LMAN1L: variants seen among roughly 807,000 people sequenced by gnomAD.
LMAN1L encodes the protein protein ERGIC-53-like.
A neutral mutation model predicts 58.3 loss-of-function variants in LMAN1L; 60 were observed. The observed-to-expected ratio is 1.03, with a 90% CI of 0.84 to 1.27. LMAN1L has a LOEUF of 1.27. Ranked by LOEUF, LMAN1L falls within the 50% of genes most tolerant of loss-of-function variation. The pLI is 0.00. For missense variants in LMAN1L, 629 were observed against 674.0 expected (o/e 0.93, Z 0.74); for synonymous variants, 280 against 271.6 (o/e 1.03, Z -0.31).
At position 74,824,241 on chromosome 15, in the gene LMAN1L, C is replaced by T. The variant is rs767201485; in HGVS notation, c.1324-110C>T. The T allele has an allele frequency of 1.2e-4, 126 of 1,034,678 alleles. 2 individuals are homozygous for T. Among genetic ancestry groups the T allele is most frequent in the South Asian group, 3.5e-4 (23 of 66,108 alleles). The allele number at this position is 1,034,678 out of a possible 1,614,324, so 64.1% of individuals were successfully genotyped here. ...CAAGTTCCCTGGATGAGAGCCAGGA[C>T]GCCCCAAGCCTGGGGAAAGGAAACG... On this transcript the variant is annotated intron_variant, in intron 12 of 13. Coordinates refer to ENST00000309664, the MANE Select transcript of LMAN1L (RefSeq NM_021819.3).
rs2063902920 is a variant in LMAN1L at position 74,818,620 on chromosome 15, G to A, written c.498-98G>A. ...GAGGTGGGAGGATCACTTGAGCCCA[G>A]CAGGCAGAAGTTGCAATGAGCCACA... On this transcript the variant is annotated intron_variant, in intron 4 of 13. Coordinates refer to ENST00000309664, the MANE Select transcript of LMAN1L (RefSeq NM_021819.3). 2.0e-5 allele frequency: 17 copies of A among 860,822 alleles called. 1 individual carries two copies. In the South Asian group the frequency reaches 2.4e-4, roughly 12 times the overall value. 53.3% of individuals were successfully genotyped at this position (860,822 alleles called of 1,614,324 possible).
At chr15:74,820,380 G>A (rs1489493142) in intron 7 of LMAN1L, 2 of 622,776 alleles carry the variant, frequency 3.2e-6, no homozygotes, top group Non-Finnish European at 5.6e-6. Flanking sequence ...GTCCCAACCA[G>A]CCAGGGGGTC....
intron 7 of LMAN1L, chr15:74,820,430 C>T (rs2063911105): frequency 4.3e-6 from 3 of 702,830 alleles, no homozygotes; most frequent in Admixed American, 2.5e-5. Flanking sequence ...AAAGGAGCCT[C>T]GGACCAGCAC....
Position 74,818,610 on chromosome 15 carries a change from C to G in LMAN1L, c.498-108C>G, listed in dbSNP as rs1368541801. 6 of 802,470 alleles carry G rather than the reference C, an allele frequency of 7.5e-6. No individual in the cohort carries two copies. In the Admixed American group the frequency reaches 1.3e-4, roughly 17 times the overall value. 49.7% of individuals were successfully genotyped at this position (802,470 alleles called of 1,614,324 possible). On this transcript the variant is annotated intron_variant, in intron 4 of 13. Coordinates refer to ENST00000309664, the MANE Select transcript of LMAN1L (RefSeq NM_021819.3). ...TTGGGAGGCTGAGGTGGGAGGATCA[C>G]TTGAGCCCAGCAGGCAGAAGTTGCA...
chr15:74,823,849 A>G (rs1484766581), intron 12 of LMAN1L, 167 bp downstream of exon 12: 1 of 683,396 alleles, frequency 1.5e-6, no homozygotes, highest in Non-Finnish European at 2.4e-6. Flanking sequence ...GTGTCCGTGC[A>G]TACGTGCCAC....
Position 74,823,504 on chromosome 15 carries a change from G to C in LMAN1L, c.1200-55G>C, listed in dbSNP as rs1474851559. 17 of 1,598,684 alleles carry C rather than the reference G, an allele frequency of 1.1e-5. No homozygotes were observed. In the Admixed American group the frequency reaches 2.5e-4, roughly 24 times the overall value. ...GAGATGGGAAATGATTAGGCCATCTGGGTGGAAGCAGAAGAGGTAATGAGT... is the reference window on the plus strand; with the variant it reads ...GAGATGGGAAATGATTAGGCCATCTCGGTGGAAGCAGAAGAGGTAATGAGT... On this transcript the variant is annotated intron_variant, in intron 11 of 13. Coordinates refer to ENST00000309664, the MANE Select transcript of LMAN1L (RefSeq NM_021819.3).
At position 74,819,177 on chromosome 15, in the gene LMAN1L, C is replaced by T. The variant is rs1342260511; in HGVS notation, c.623C>T (p.Pro208Leu). ...LRMSLNSGLT[P>L]SDPGEFCVDV... is the part of the protein sequence containing the mutation. The stretch of plus-strand genomic sequence containing the variant: ...ATGTCCTTGAACAGTGGCCTCACTC[C>T]CAGTGATCCAGGTGAGTTCTGTGTG... Residue 208 changes from proline to leucine, a missense_variant, in exon 6 of 14, where the codon CCC becomes CTC. Pro to Leu is a moderately conservative substitution (Grantham distance 98). Around this residue, in one of 3 missense-constraint regions of LMAN1L, gnomAD observed 573 missense variants for 597.3 expected, o/e 0.96. Transcript: ENST00000309664. The T allele has an allele frequency of 2.5e-6, 4 of 1,613,652 alleles. No individual in the cohort carries two copies. The highest frequency in any genetic ancestry group is 3.3e-5 in the Admixed American group (2 of 59,940).
chr15:74,819,680 T>C (rs1567224504), intron 6 of LMAN1L: 3 of 463,632 alleles, frequency 6.5e-6, no homozygotes, highest in Non-Finnish European at 7.8e-6. Flanking sequence ...GAGAGTGACA[T>C]GGTCAGAGCT....
chr15:74,820,168 C>A, intron 7 of LMAN1L, 69 bp downstream of exon 7: 2 of 1,341,278 alleles, frequency 1.5e-6, no homozygotes, highest in South Asian at 1.2e-5. Context: ...GTCATGGTGC[C>A]CTCAGACCTG....
chr15:74,818,736 G>C lies in LMAN1L; in HGVS notation c.516G>C (p.Gly172=). ...SEQPGDGASQ[G]LGSCHWDFRN... ...CCCACAGGGATGGAGCTAGCCAAGG[G>C]CTGGGCTCCTGTCATTGGGACTTCC... Residue 172 remains glycine (G), a synonymous_variant, in exon 5 of 14, where the codon GGG becomes GGC. Transcript: ENST00000309664. 6.2e-7 allele frequency: 1 copy of C among 1,609,948 alleles called. No homozygotes were observed. The highest frequency in any genetic ancestry group is 8.5e-7 in the Non-Finnish European group (1 of 1,178,500).
At position 74,819,259 on chromosome 15, in the gene LMAN1L, C is replaced by G. The variant is rs759513043; in HGVS notation, c.705C>G (p.Thr235=). 6.2e-7 allele frequency: 1 copy of G among 1,614,116 alleles called. No homozygotes were observed. Among genetic ancestry groups the G allele is most frequent in the Non-Finnish European group, 8.5e-7 (1 of 1,179,984 alleles). Residue 235 remains threonine (T), a synonymous_variant, in exon 6 of 14, where the codon ACC becomes ACG. Transcript: ENST00000309664. ...PGGFFGVSAA[T]GTLADDHDVL... ...GTTTCTTTGGGGTCTCAGCAGCCAC[C>G]GGCACCCTGGCAGGTGAGGATCCCA...
At chr15:74,821,521 T>G (rs1411912819) in intron 9 of LMAN1L, among the ~76,000 whole-genome samples, 1 of 152,236 alleles carries the variant, frequency 6.6e-6, no homozygotes, top group Non-Finnish European at 1.5e-5. Context: ...TAGCTTCACA[T>G]GCGATTTGCA....
chr15:74,813,245 C>T (rs1205072301), intron 1 of LMAN1L: 3 of 661,350 alleles, frequency 4.5e-6, no homozygotes, highest in African/African-American at 3.5e-5. Flanking sequence ...TCTCCTCTGC[C>T]TCTCTGCTTC....
intron 4 of LMAN1L, 38 bp from the exon 5 acceptor site, chr15:74,818,680 C>A (rs1596378807): frequency 6.6e-7 from 1 of 1,515,176 alleles, no homozygotes; most frequent in Non-Finnish European, 9.0e-7. Context: ...GGCAGCGACT[C>A]TTTCTCAAAA....
At chr15:74,818,194 C>A (rs1408151888) in intron 4 of LMAN1L, among the ~76,000 whole-genome samples, 2 of 152,128 alleles carry the variant, frequency 1.3e-5, no homozygotes, top group African/African-American at 2.4e-5. Flanking sequence ...CCCAACACTC[C>A]GTCAGGCAGG....
intron 5 of LMAN1L, 82 bp from the exon 6 acceptor site, chr15:74,819,070 A>G (rs1596378977): frequency 6.6e-7 from 1 of 1,512,790 alleles, no homozygotes; most frequent in Non-Finnish European, 8.9e-7. Flanking sequence ...CCCTAGGGCC[A>G]CCTGCCATCC....
At chr15:74,821,262 CG>C (rs1178976397) in intron 9 of LMAN1L, 36 bp downstream of exon 9, 1 of 1,543,466 alleles carries the variant, frequency 6.5e-7, no homozygotes, top group South Asian at 1.2e-5. Context: ...GCTCCACCTG[CG>C]GGCCTGAAAG....
In LMAN1L at chr15:74,824,340, TC is replaced by T. The variant is rs754377695; in HGVS notation, c.1324-7del. 2.5e-6 allele frequency: 4 copies of T among 1,613,440 alleles called. No individual in the cohort carries two copies. Among genetic ancestry groups the T allele is most frequent in the Admixed American group, 1.7e-5 (1 of 59,970 alleles). On this transcript the variant is annotated splice_polypyrimidine_tract_variant and intron_variant, in intron 12 of 13. Transcript: ENST00000309664. ...GAAGCTAAGCTAGGACCTTAGACTT[TC>T]CCCTTTCAGAAGGCAGCAGCCAAGG...
intron 11 of LMAN1L, 39 bp from the exon 12 acceptor site, chr15:74,823,520 G>A: frequency 6.2e-7 from 1 of 1,610,834 alleles, no homozygotes; most frequent in Non-Finnish European, 8.5e-7. Flanking sequence ...AAGCAGAAGA[G>A]GTAATGAGTC....
Sources: allele counts gnomAD v4.1 joint callset (sites outside exome capture counted in the v4.1 genomes callset), GRCh38; gene constraint gnomAD v4.1.1; regional missense constraint gnomAD v4.1.1; transcripts MANE v1.5; gene names NCBI Gene and HGNC (gene_info 2026-07-23, HGNC 2026-07-21).